SHTN1: variants seen among roughly 807,000 people sequenced by gnomAD.
SHTN1 encodes shootin-1.
Under a neutral mutation model 83.1 loss-of-function variants are expected in SHTN1, and 42 were observed. That is an observed-to-expected ratio of 0.51 (90% CI 0.39 to 0.65). The LOEUF (loss-of-function observed/expected upper bound fraction) is 0.65, where lower values mean the gene tolerates loss of function less well. Ranked by LOEUF, SHTN1 falls within the 30% of genes least tolerant of loss-of-function variation. The pLI, the probability that SHTN1 is intolerant of heterozygous loss-of-function variation, is 0.00. For synonymous variants in SHTN1, 224 were observed against 247.7 expected (o/e 0.90, Z 0.90); for missense variants, 622 against 737.8 (o/e 0.84, Z 1.82).
intron 1 of SHTN1, among the ~76,000 whole-genome samples, chr10:117,085,059 C>G (rs1388571330): frequency 1.3e-5 from 2 of 152,150 alleles, no homozygotes; most frequent in Non-Finnish European, 2.9e-5. Flanking sequence ...CTTGGCTCCT[C>G]CCCCAGGGTT....
chr10:117,086,261 A>T (rs529264927), intron 1 of SHTN1, among the ~76,000 whole-genome samples: 10 of 152,300 alleles, frequency 6.6e-5, no homozygotes, highest in Middle Eastern at 3.4e-3. Flanking sequence ...TAGCTATGCC[A>T]ACTTTCTTTT....
chr10:116,918,804 C>T (rs540534273), intron 12 of SHTN1, among the ~76,000 whole-genome samples: 7 of 152,118 alleles, frequency 4.6e-5, no homozygotes, highest in Admixed American at 6.5e-5. Flanking sequence ...CAAGGCACGG[C>T]GAAGTAAGAA....
At chr10:117,091,493 GAACTGGT>G (rs1340624514) in intron 1 of SHTN1, among the ~76,000 whole-genome samples, 1 of 152,078 alleles carries the variant, frequency 6.6e-6, no homozygotes, top group Non-Finnish European at 1.5e-5. Context: ...AATTAAAGAA[GAACTGGT>G]ATTCCTTGGA....
chr10:117,029,951 CT>C (rs1852387400), intron 2 of SHTN1, among the ~76,000 whole-genome samples: 1 of 137,968 alleles, frequency 7.2e-6, no homozygotes, highest in Non-Finnish European at 1.5e-5. Flanking sequence ...ATGGTGTCAA[CT>C]ATCTTGGCTC....
chr10:117,031,575 TAGAA>T (rs1166221558), intron 2 of SHTN1, among the ~76,000 whole-genome samples: 13 of 152,170 alleles, frequency 8.5e-5, no homozygotes, highest in Admixed American at 2.0e-4. Context: ...AACATATAAA[TAGAA>T]AGAGCAAAAA....
intron 1 of SHTN1, among the ~76,000 whole-genome samples, chr10:117,111,204 A>G (rs1160036103): frequency 1.3e-5 from 2 of 152,142 alleles, no homozygotes; most frequent in Non-Finnish European, 2.9e-5. Context: ...TCTCAAAAAA[A>G]CAGAAAACAA....
intron 1 of SHTN1, among the ~76,000 whole-genome samples, chr10:117,059,291 A>G: frequency 6.6e-6 from 1 of 152,316 alleles, no homozygotes; most frequent in Middle Eastern, 3.4e-3. Context: ...CCACTCTGGG[A>G]AACAGTTTGG....
Position 117,099,187 on chromosome 10 carries a change from C to T in SHTN1, c.-189+27120G>A, listed in dbSNP as rs148223103. On this transcript the variant is annotated intron_variant, in intron 1 of 17. Transcript: ENST00000392901. ...GGGAGCTAAGCTATTAATATGAGGA[C>T]GCAAAAACATGCAGAGTGATATAAT... 7.2e-5 allele frequency among the ~76,000 whole-genome samples: 11 copies of T among 151,882 alleles called. No individual in the cohort carries two copies. In the South Asian group the frequency reaches 1.0e-3, roughly 14 times the overall value.
At chr10:117,047,374 ATT>A (rs201317943) in intron 2 of SHTN1, among the ~76,000 whole-genome samples, 8 of 150,512 alleles carry the variant, frequency 5.3e-5, no homozygotes, top group African/African-American at 7.4e-5. Flanking sequence ...CCTCAAAAAT[ATT>A]TTTTTTTAAA....
rs369054950 is a variant in SHTN1 at position 116,951,346 on chromosome 10, C to A, written c.534+563G>T. On this transcript the variant is annotated intron_variant, in intron 6 of 16. Transcript: ENST00000355371. ...GCTGAGGCAGGAGGATCATTTGAGCCTGGGAGGTTGAGGCGGCAGTGAGCT... is the reference window on the plus strand; with the variant it reads ...GCTGAGGCAGGAGGATCATTTGAGCATGGGAGGTTGAGGCGGCAGTGAGCT... Among the ~76,000 whole-genome samples, 32 of 152,286 alleles carry A rather than the reference C, an allele frequency of 2.1e-4. No homozygotes were observed. The East Asian group carries it at 3.9e-3, about 18-fold the overall frequency.
chr10:116,901,088 C>T, intron 16 of SHTN1: 1 of 985,362 alleles, frequency 1.0e-6, no homozygotes, highest in Non-Finnish European at 1.2e-6. Flanking sequence ...CTCACCTCTT[C>T]CTTTTCTTTA....
At chr10:116,906,793 CAATATACAAAAG>C in intron 14 of SHTN1, 46 bp from the exon 15 acceptor site, 1 of 1,471,266 alleles carries the variant, frequency 6.8e-7, no homozygotes, top group Non-Finnish European at 9.2e-7. Flanking sequence ...TGTCTTAATA[CAATATACAAAAG>C]AATATAAAAA....
intron 1 of SHTN1, among the ~76,000 whole-genome samples, chr10:116,984,695 T>C (rs1368832021): frequency 6.6e-6 from 1 of 152,184 alleles, no homozygotes; most frequent in Non-Finnish European, 1.5e-5. Context: ...AGACCCTCAA[T>C]AATGACAAAA....
chr10:116,907,847 T>G, intron 14 of SHTN1: 1 of 515,408 alleles, frequency 1.9e-6, no homozygotes, highest in South Asian at 1.4e-5. Context: ...GCTAATAATC[T>G]TGCCAGCCTT....
At chr10:117,114,279 A>G (rs910069160) in intron 1 of SHTN1, among the ~76,000 whole-genome samples, 2 of 152,208 alleles carry the variant, frequency 1.3e-5, no homozygotes, top group African/African-American at 4.8e-5. Flanking sequence ...GAATATCATT[A>G]ATTTATTTAG....
chr10:117,013,910 A>ATG (rs767351166), intron 2 of SHTN1, among the ~76,000 whole-genome samples: 1 of 152,082 alleles, frequency 6.6e-6, no homozygotes, highest in Admixed American at 6.6e-5. Context: ...TCTTCCAAAT[A>ATG]TGTGTGTGTG....
intron 9 of SHTN1, among the ~76,000 whole-genome samples, chr10:116,939,350 G>A (rs974663636): frequency 6.6e-6 from 1 of 152,184 alleles, no homozygotes; most frequent in Non-Finnish European, 1.5e-5. Context: ...TGGGAAAAGC[G>A]TAGTATCTGG....
intron 2 of SHTN1, among the ~76,000 whole-genome samples, chr10:117,036,740 T>C (rs1852503434): frequency 6.6e-6 from 1 of 152,168 alleles, no homozygotes; most frequent in Non-Finnish European, 1.5e-5. Flanking sequence ...CTAGAGTCAA[T>C]AATAATTTAA....
At chr10:117,079,274 A>C (rs1356523232) in intron 1 of SHTN1, among the ~76,000 whole-genome samples, 471 of 136,828 alleles carry the variant, frequency 3.4e-3, no homozygotes, top group Middle Eastern at 7.0e-3. Context: ...CCTATGAGTG[A>C]GAATATGCGG....
Sources: allele counts gnomAD v4.1 joint callset (sites outside exome capture counted in the v4.1 genomes callset), GRCh38; gene constraint gnomAD v4.1.1; transcripts MANE v1.5; gene names NCBI Gene and HGNC (gene_info 2026-07-23, HGNC 2026-07-21).